CCDC102B: variants seen among roughly 807,000 people sequenced by gnomAD.
CCDC102B encodes coiled-coil domain-containing protein 102B.
A neutral mutation model predicts 57.4 loss-of-function variants in CCDC102B; 75 were observed. The observed-to-expected ratio is 1.31, with a 90% confidence interval of 1.08 to 1.58. CCDC102B has a LOEUF of 1.58. CCDC102B is among the 40% of genes most tolerant of loss of function. The pLI is 0.00. For missense variants in CCDC102B, 636 were observed against 582.6 expected (o/e 1.09, Z -0.94); for synonymous variants, 206 against 201.9 (o/e 1.02, Z -0.17).
intron 6 of CCDC102B, among the ~76,000 whole-genome samples, chr18:68,999,945 G>A (rs992284009): frequency 1.3e-5 from 2 of 152,140 alleles, no homozygotes; most frequent in African/African-American, 2.4e-5. Flanking sequence ...CTTGAGAGTG[G>A]AGAAAAGGCA....
At chr18:68,735,861 G>T (rs955514649) in intron 2 of CCDC102B, among the ~76,000 whole-genome samples, 2 of 152,130 alleles carry the variant, frequency 1.3e-5, no homozygotes, top group African/African-American at 4.8e-5. Flanking sequence ...TATCTACAAA[G>T]CATGTCTTTT....
At chr18:68,988,561 AAAAAC>A (rs201872400) in intron 6 of CCDC102B, among the ~76,000 whole-genome samples, 2,237 of 151,474 alleles carry the variant, frequency 0.015, 58 homozygotes, top group African/African-American at 0.051. Context: ...AATTACAAAA[AAAAAC>A]AAAAAAAAAG....
At chr18:69,044,050 A>C (rs770295921) in intron 7 of CCDC102B, among the ~76,000 whole-genome samples, 2 of 152,178 alleles carry the variant, frequency 1.3e-5, no homozygotes, top group Non-Finnish European at 2.9e-5. Flanking sequence ...TTTTAAAAAG[A>C]ACAAACAAAA....
At chr18:69,011,687 T>G (rs1289434232) in intron 7 of CCDC102B, among the ~76,000 whole-genome samples, 1 of 152,104 alleles carries the variant, frequency 6.6e-6, no homozygotes, top group Non-Finnish European at 1.5e-5. Context: ...GTTTTTTGTT[T>G]TTTTTTAAAG....
chr18:68,837,083 G>A lies in CCDC102B; in HGVS notation c.320G>A (p.Ser107Asn), dbSNP rs770365428. 1 of 1,614,156 alleles carries A rather than the reference G, an allele frequency of 6.2e-7. No homozygotes were observed. The highest frequency in any genetic ancestry group is 8.5e-7 in the Non-Finnish European group (1 of 1,180,018). The change falls in exon 2 of 8, where the codon AGT (serine) becomes AAT (asparagine). Residue 107 changes from serine (S) to asparagine (N), a missense_variant. Coordinates refer to ENST00000360242, the MANE Select transcript of CCDC102B (RefSeq NM_024781.3). ...ACTGCCAACTGGAGAGAAAAATGGAGTAAAGTTCGAGCTGAAAGGAACAGT... is the reference window on the plus strand; with the variant it reads ...ACTGCCAACTGGAGAGAAAAATGGAATAAAGTTCGAGCTGAAAGGAACAGT... ...DCTANWREKW[S>N]KVRAERNSAR...
chr18:68,727,695 A>G lies in CCDC102B; in HGVS notation c.-67+11101A>G, dbSNP rs546345620. ...CAATTGGCCTGGTTTACAGGTGACA[A>G]TTCCAGAATGGAGTGCCATGGCTCA... On this transcript the variant is annotated intron_variant, in intron 2 of 3. Coordinates refer to the CCDC102B transcript ENST00000578970. 4.6e-5 allele frequency among the ~76,000 whole-genome samples: 7 copies of G among 152,330 alleles called. No individual in the cohort carries two copies. In the South Asian group the frequency reaches 1.5e-3, roughly 32 times the overall value.
At chr18:68,934,756 G>A (rs920832556) in intron 6 of CCDC102B, among the ~76,000 whole-genome samples, 9 of 151,670 alleles carry the variant, frequency 5.9e-5, no homozygotes, top group Middle Eastern at 3.4e-3. Context: ...ATATTCAAAC[G>A]TAGTTATGAT....
chr18:68,913,812 T>C (rs987656927), intron 6 of CCDC102B, among the ~76,000 whole-genome samples: 2 of 152,360 alleles, frequency 1.3e-5, no homozygotes, highest in African/African-American at 4.8e-5. Flanking sequence ...TCTATTACTC[T>C]GAAAACACAT....
intron 3 of CCDC102B, among the ~76,000 whole-genome samples, chr18:68,845,582 A>C (rs1365517933): frequency 3.3e-5 from 5 of 151,826 alleles, no homozygotes; most frequent in Non-Finnish European, 7.4e-5. Context: ...TCTACCTTAC[A>C]GATAAGAACA....
intron 1 of CCDC102B, among the ~76,000 whole-genome samples, chr18:68,716,032 A>G (rs1392382589): frequency 2.6e-5 from 4 of 152,122 alleles, no homozygotes; most frequent in Non-Finnish European, 2.9e-5. Context: ...CAAGCCCTAA[A>G]TGTCACCCCC....
At chr18:68,946,883 C>T (rs1231362371) in intron 6 of CCDC102B, among the ~76,000 whole-genome samples, 1 of 151,882 alleles carries the variant, frequency 6.6e-6, no homozygotes, top group East Asian at 1.9e-4. Flanking sequence ...AATAATGCTG[C>T]AGGCCCTTGG....
intron 6 of CCDC102B, among the ~76,000 whole-genome samples, chr18:68,945,091 CCT>C (rs371719403): frequency 0.018 from 2,592 of 143,108 alleles, 34 homozygotes; most frequent in East Asian, 0.034. Flanking sequence ...TCTCTCTCTG[CCT>C]CTCTCTCTCT....
intron 6 of CCDC102B, among the ~76,000 whole-genome samples, chr18:68,913,927 G>C (rs2145084750): frequency 6.6e-6 from 1 of 152,192 alleles, no homozygotes; most frequent in African/African-American, 2.4e-5. Flanking sequence ...GTTGGATTAT[G>C]GTCCTATCTC....
chr18:68,724,343 T>G (rs1009505526), intron 2 of CCDC102B, among the ~76,000 whole-genome samples: 2 of 152,230 alleles, frequency 1.3e-5, no homozygotes, highest in African/African-American at 4.8e-5. Flanking sequence ...TTCTCACTAC[T>G]TATGCAAATT....
chr18:68,717,768 A>G (rs188518567), intron 2 of CCDC102B, among the ~76,000 whole-genome samples: 6 of 152,332 alleles, frequency 3.9e-5, no homozygotes, highest in East Asian at 1.9e-4. Flanking sequence ...AGACTTTCAG[A>G]TAAGCTACAT....
chr18:68,749,726 C>T lies in CCDC102B; in HGVS notation c.-67+33132C>T, dbSNP rs184692231. ...ATACAATCATGTCATCTGCAAACAG[C>T]GACAATTTGACTTCCTCTTTTCCTA... is the stretch of plus-strand genomic sequence containing the variant. On this transcript the variant is annotated intron_variant, in intron 2 of 3. Coordinates refer to the CCDC102B transcript ENST00000578970. Among the ~76,000 whole-genome samples the T allele has an allele frequency of 3.8e-4, 58 of 152,122 alleles. No homozygotes were observed. The East Asian group carries it at 9.5e-3, about 25-fold the overall frequency.
intron 2 of CCDC102B, among the ~76,000 whole-genome samples, chr18:68,751,827 A>C (rs559345853): frequency 4.6e-5 from 7 of 152,350 alleles, no homozygotes; most frequent in African/African-American, 1.7e-4. Flanking sequence ...AGAATTTCTT[A>C]GAACCTATGA....
At chr18:68,985,944 G>T (rs2050711733) in intron 6 of CCDC102B, among the ~76,000 whole-genome samples, 1 of 152,150 alleles carries the variant, frequency 6.6e-6, no homozygotes, top group South Asian at 2.1e-4. Flanking sequence ...GTGTGTTGGA[G>T]CATGGCAAAG....
intron 2 of CCDC102B, among the ~76,000 whole-genome samples, chr18:68,745,260 A>G (rs984904463): frequency 1.4e-4 from 21 of 151,650 alleles, no homozygotes; most frequent in African/African-American, 4.8e-4. Flanking sequence ...TCAGCTGCCC[A>G]TGTTATGCAT....
Sources: gnomAD v4.1 joint callset for allele counts (sites outside exome capture counted in the v4.1 genomes callset) on GRCh38, gnomAD v4.1.1 for gene constraint, MANE v1.5 for transcripts, NCBI Gene and HGNC (gene_info 2026-07-23, HGNC 2026-07-21) for gene names.